The following THBS4 variants were observed in gnomAD, a reference collection of about 807,000 sequenced individuals.
THBS4 encodes the protein thrombospondin 4.
THBS4 carries 90 observed loss-of-function variants against 115.7 expected under a neutral mutation model. That is an observed-to-expected ratio of 0.78 (90% CI 0.66 to 0.93). The LOEUF is 0.93. THBS4 is among the 40% of genes least tolerant of loss of function. The pLI is 0.00. For synonymous variants in THBS4, 460 were observed against 479.3 expected (o/e 0.96, Z 0.53); for missense variants, 1,087 against 1,232.7 (o/e 0.88, Z 1.77).
At chr5:80,070,514 T>C (rs1277458089) in intron 11 of THBS4, 104 bp downstream of exon 11, 2 of 1,400,582 alleles carry the variant, frequency 1.4e-6, no homozygotes, top group African/African-American at 2.8e-5. Flanking sequence ...ATTGTACTTG[T>C]AAAGTAGCTG....
Position 80,065,461 on chromosome 5 carries a change from T to A in THBS4, c.1178T>A (p.Ile393Asn). ...AATGGAGCGTGCGTTCCCAACTCGA[T>A]CTGCGTTAATACTTTGGTAAGTATT... ...CRNGACVPNS[I>N]CVNTLGSYRC... Residue 393 changes from isoleucine (I) to asparagine (N), a missense_variant, in exon 9 of 22, where the codon ATC becomes AAC. Transcript: ENST00000350881. The A allele has an allele frequency of 1.2e-6, 2 of 1,613,792 alleles. No individual in the cohort carries two copies. The highest frequency in any genetic ancestry group is 1.7e-6 in the Non-Finnish European group (2 of 1,179,894).
At chr5:80,055,015 G>A (rs1833376144) in intron 2 of THBS4, among the ~76,000 whole-genome samples, 1 of 152,052 alleles carries the variant, frequency 6.6e-6, no homozygotes, top group African/African-American at 2.4e-5. Context: ...GCATTTGGTT[G>A]CAGTGAGTAG....
chr5:80,041,184 C>T (rs1832890133), intron 2 of THBS4, among the ~76,000 whole-genome samples: 1 of 152,122 alleles, frequency 6.6e-6, no homozygotes, highest in African/African-American at 2.4e-5. Context: ...GGGCCCAGTT[C>T]CTGGATTGTA....
At chr5:80,027,229 G>C (rs1350635572) in intron 2 of THBS4, among the ~76,000 whole-genome samples, 3 of 152,214 alleles carry the variant, frequency 2.0e-5, no homozygotes, top group African/African-American at 7.2e-5. Context: ...AAGACCTGAA[G>C]AGAAGTCTGT....
At chr5:80,082,333 C>T (rs1157049402) in intron 20 of THBS4, 73 bp from the exon 21 acceptor site, 5 of 1,586,742 alleles carry the variant, frequency 3.2e-6, no homozygotes, top group Non-Finnish European at 4.3e-6. Flanking sequence ...GAAGTGGGGC[C>T]CCTGGGCCTC....
At chr5:80,041,516 C>T (rs1052191081) in intron 2 of THBS4, among the ~76,000 whole-genome samples, 9 of 152,098 alleles carry the variant, frequency 5.9e-5, no homozygotes, top group African/African-American at 2.2e-4. Flanking sequence ...CCTACCTGGC[C>T]GTGATGGAAA....
chr5:80,081,490 A>G (rs1011216514), intron 20 of THBS4, among the ~76,000 whole-genome samples: 3 of 152,232 alleles, frequency 2.0e-5, no homozygotes, highest in Admixed American at 2.0e-4. Context: ...ACACCAGAAG[A>G]CAAAATGAAA....
Position 80,082,462 on chromosome 5 carries a change from C to G in THBS4, c.2741C>G (p.Thr914Ser), listed in dbSNP as rs1255446555. The change falls in exon 21 of 22, where the codon ACC becomes AGC. Residue 914 changes from threonine to serine, a missense_variant. Around this residue, in one of 3 missense-constraint regions of THBS4, gnomAD observed 103 missense variants for 108.2 expected, o/e 0.95. Transcript: ENST00000350881. ...GCTGACTCTGGCGTCACCATAGACACCACAATGCGTGGAGGCCGACTTGGC... is the reference window on the plus strand; with the variant it reads ...GCTGACTCTGGCGTCACCATAGACAGCACAATGCGTGGAGGCCGACTTGGC... ...LVADSGVTID[T>S]TMRGGRLGVF... The G allele has an allele frequency of 1.2e-6, 2 of 1,613,848 alleles. No homozygotes were observed. Among genetic ancestry groups the G allele is most frequent in the South Asian group, 2.2e-5 (2 of 91,084 alleles).
At chr5:80,040,352 T>G (rs898398226) in intron 2 of THBS4, 72 bp downstream of exon 2, 1 of 1,218,974 alleles carries the variant, frequency 8.2e-7, no homozygotes, top group Admixed American at 2.0e-5. Context: ...GTATACTGTC[T>G]TTGAGATGGT....
chr5:80,080,579 CTTTTTTTTTTTTTT>C (rs67048630), intron 20 of THBS4, among the ~76,000 whole-genome samples: 2 of 50,464 alleles, frequency 4.0e-5, no homozygotes, highest in South Asian at 1.0e-3. Flanking sequence ...GCGCTTGTAT[CTTTTTTTTTTTTTT>C]TTTTTTTTTT....
At chr5:80,041,174 G>A (rs1832889749) in intron 2 of THBS4, among the ~76,000 whole-genome samples, 1 of 152,170 alleles carries the variant, frequency 6.6e-6, no homozygotes, top group African/African-American at 2.4e-5. Context: ...CTCCTTGTAA[G>A]GGCCCAGTTC....
In THBS4 at chr5:80,058,326, T is replaced by TG. The variant is rs1833501672; in HGVS notation, c.649+15dup. 3.9e-6 allele frequency: 6 copies of TG among 1,545,728 alleles called. No individual in the cohort carries two copies. Among genetic ancestry groups the TG allele is most frequent in the Non-Finnish European group, 5.3e-6 (6 of 1,142,706 alleles). On this transcript the variant is annotated intron_variant, in intron 4 of 21. Transcript: ENST00000350881. Reference sequence around the variant, plus strand: ...TGCCACAGGCACAGGTGTGGGCTCTTGGGCAGTTTGCATGCCTTCATCAAC... The same window carrying TG: ...TGCCACAGGCACAGGTGTGGGCTCTTGGGGCAGTTTGCATGCCTTCATCAAC...
At chr5:80,041,105 GCAC>G (rs1197858185) in intron 2 of THBS4, among the ~76,000 whole-genome samples, 5 of 152,154 alleles carry the variant, frequency 3.3e-5, no homozygotes, top group Admixed American at 2.0e-4. Context: ...CCAAATTTCA[GCAC>G]GAGTTTTGAC....
chr5:80,079,862 T>C, intron 19 of THBS4, 43 bp from the exon 20 acceptor site: 1 of 1,591,636 alleles, frequency 6.3e-7, no homozygotes, highest in Non-Finnish European at 8.6e-7. Context: ...GGAAGGGTGG[T>C]GCCTGTGTCC....
chr5:80,018,012 CTTG>C (rs1207568774), intron 2 of THBS4, among the ~76,000 whole-genome samples: 1 of 151,940 alleles, frequency 6.6e-6, no homozygotes, highest in Non-Finnish European at 1.5e-5. Context: ...TCTCTTTGAC[CTTG>C]TTGTTCTGAA....
At position 79,998,858 on chromosome 5, in the gene THBS4, T is replaced by C. The variant is rs2151148951; in HGVS notation, n.177+431T>C. ...TTCATGGAACTTTGTATTTCGGACA[T>C]CTTTTCATCAGCAAGACCATGCCAT... On this transcript the variant is annotated intron_variant and non_coding_transcript_variant, in intron 2 of 3. Coordinates refer to the THBS4 transcript ENST00000510218. Among the ~76,000 whole-genome samples the C allele has an allele frequency of 2.0e-5, 3 of 152,322 alleles. No homozygotes were observed. In the South Asian group the frequency reaches 6.2e-4, roughly 32 times the overall value.
intron 2 of THBS4, among the ~76,000 whole-genome samples, chr5:80,022,945 C>T (rs1832406924): frequency 6.6e-6 from 1 of 152,192 alleles, no homozygotes; most frequent in Non-Finnish European, 1.5e-5. Flanking sequence ...CTCCCCTTTA[C>T]TCAAGCCTCC....
At chr5:80,082,223 ACT>A in intron 20 of THBS4, 181 bp from the exon 21 acceptor site, 1 of 668,916 alleles carries the variant, frequency 1.5e-6, no homozygotes, top group Non-Finnish European at 2.4e-6. Flanking sequence ...GCCCTCAAGG[ACT>A]TCCAGTCTAG....
chr5:80,073,400 T>C, intron 15 of THBS4, 73 bp downstream of exon 15: 7 of 1,433,496 alleles, frequency 4.9e-6, no homozygotes, highest in South Asian at 2.4e-5. Context: ...GTTTTTTTTT[T>C]TGAGGCGGAG....
Sources: allele counts gnomAD v4.1 joint callset (sites outside exome capture counted in the v4.1 genomes callset), GRCh38; gene constraint gnomAD v4.1.1; regional missense constraint gnomAD v4.1.1; transcripts MANE v1.5; gene names NCBI Gene and HGNC (gene_info 2026-07-23, HGNC 2026-07-21).